Variants in AGO2 observed in about 807,000 individuals in gnomAD.
AGO2 encodes the protein argonaute RISC catalytic component 2.
A neutral mutation model predicts 102.3 loss-of-function variants in AGO2; 5 were observed. That is an observed-to-expected ratio of 0.05 (90% CI 0.03 to 0.10). The LOEUF is 0.10. Ranked by LOEUF, AGO2 falls within the 10% of genes least tolerant of loss-of-function variation. The pLI is 1.00. For synonymous variants in AGO2, 449 were observed against 473.1 expected (o/e 0.95, Z 0.66); for missense variants, 541 against 1,183.7 (o/e 0.46, Z 7.97).
intron 14 of AGO2, among the ~76,000 whole-genome samples, chr8:140,541,755 G>C (rs1036643966): frequency 6.6e-5 from 10 of 151,844 alleles, no homozygotes; most frequent in Admixed American, 6.6e-4. Context: ...ATATAAAAAT[G>C]AGCTGGGCAT....
intron 1 of AGO2, among the ~76,000 whole-genome samples, chr8:140,607,231 A>G (rs554763120): frequency 3.4e-4 from 51 of 151,936 alleles, no homozygotes; most frequent in Middle Eastern, 6.8e-3. Context: ...CCTGGGCAAC[A>G]AGAGTGAAAC....
At chr8:140,585,357 T>C in intron 1 of AGO2, 46 bp from the exon 2 acceptor site, 2 of 1,587,808 alleles carry the variant, frequency 1.3e-6, no homozygotes, top group Non-Finnish European at 1.7e-6. Flanking sequence ...GCAGGCTTGC[T>C]CTGCGGCCCT....
rs776787353 is a variant in AGO2 at position 140,555,981 on chromosome 8, C to T, written c.1184G>A (p.Arg395His). 5.0e-6 allele frequency: 8 copies of T among 1,614,076 alleles called. No homozygotes were observed. The highest frequency in any genetic ancestry group is 2.2e-5 in the East Asian group (1 of 44,898). ...SASFNTDPYVREFGIMVKDEM... is the reference protein window; with the variant it reads ...SASFNTDPYVHEFGIMVKDEM... ...ATCTTTGACCATGATTCCAAATTCA[C>T]GGACGTATGGATCTGTGTTGAAACT... is the stretch of plus-strand genomic sequence containing the variant. Residue 395 changes from arginine (R) to histidine (H), a missense_variant, in exon 10 of 19, where the codon CGT becomes CAT. By Grantham distance (29) the Arg-to-His change is conservative (BLOSUM62 0). Coordinates refer to ENST00000220592, the MANE Select transcript of AGO2 (RefSeq NM_012154.5).
chr8:140,557,953 A>G lies in AGO2; in HGVS notation c.878+532T>C, dbSNP rs546446109. 6.6e-6 allele frequency among the ~76,000 whole-genome samples: 1 copy of G among 152,174 alleles called. No homozygotes were observed. Among genetic ancestry groups the G allele is most frequent in the South Asian group, 2.1e-4 (1 of 4,828 alleles). ...CAGGCCTGGCACTTTCCATGGAATG[A>G]TCCATGAAATAAACGAACCCTACCG... is the stretch of plus-strand genomic sequence containing the variant. On this transcript the variant is annotated intron_variant, in intron 7 of 18. Coordinates refer to ENST00000220592, the MANE Select transcript of AGO2 (RefSeq NM_012154.5). The surrounding 1 kb of genome is among the most constrained non-coding windows in gnomAD (Gnocchi z 5.9).
chr8:140,633,109 C>T (rs1182458587), intron 1 of AGO2, among the ~76,000 whole-genome samples: 1 of 152,094 alleles, frequency 6.6e-6, no homozygotes, highest in Admixed American at 6.5e-5. Flanking sequence ...GACGGGGTTT[C>T]ATGATGTTGG....
chr8:140,574,719 G>A (rs1028408101), intron 2 of AGO2, among the ~76,000 whole-genome samples: 6 of 152,010 alleles, frequency 3.9e-5, no homozygotes. Flanking sequence ...TTAACATCTT[G>A]ATTTTTTACC....
intron 17 of AGO2, among the ~76,000 whole-genome samples, chr8:140,534,863 C>T (rs928579300): frequency 6.6e-5 from 10 of 152,208 alleles, no homozygotes; most frequent in Non-Finnish European, 1.2e-4. Context: ...GCTCCTACCA[C>T]GGACGTGGTG....
chr8:140,587,726 C>T (rs544211173), intron 1 of AGO2, among the ~76,000 whole-genome samples: 1 of 152,358 alleles, frequency 6.6e-6, no homozygotes, highest in African/African-American at 2.4e-5. Flanking sequence ...CCACAAGACA[C>T]GGATGGGCCA....
In AGO2 at chr8:140,549,274, C is replaced by T. The variant is rs912113169; in HGVS notation, c.1428G>A (p.Lys476=). The T allele has an allele frequency of 7.5e-6, 12 of 1,609,312 alleles. No individual in the cohort carries two copies. The highest frequency in any genetic ancestry group is 6.7e-5 in the African/African-American group (5 of 74,866). Residue 476 remains lysine (K), a synonymous_variant, in exon 12 of 19, where the codon AAG becomes AAA. Transcript: ENST00000220592. ...HLKSFTEQLR[K]ISRDAGMPIQ... Reference sequence around the variant, plus strand: ...TGGGCATGCCGGCGTCTCTCGAGATCTTTCTGAGCTGCTCTGTGAAGGACC... The same window carrying T: ...TGGGCATGCCGGCGTCTCTCGAGATTTTTCTGAGCTGCTCTGTGAAGGACC...
At chr8:140,545,562 C>G (rs1164276961) in intron 13 of AGO2, among the ~76,000 whole-genome samples, 1 of 152,192 alleles carries the variant, frequency 6.6e-6, no homozygotes, top group African/African-American at 2.4e-5. Flanking sequence ...ACCGTCCACT[C>G]ATCAGCTGCA....
chr8:140,537,862 A>C (rs2072724341), intron 16 of AGO2, among the ~76,000 whole-genome samples: 1 of 152,168 alleles, frequency 6.6e-6, no homozygotes, highest in Non-Finnish European at 1.5e-5. Context: ...TCTGCCCCCC[A>C]GGCGGGAGTG....
intron 17 of AGO2, 185 bp downstream of exon 17, chr8:140,535,283 A>AC (rs35619763): frequency 1.3e-4 from 76 of 605,218 alleles, no homozygotes; most frequent in East Asian, 8.5e-4. Context: ...ATGCTGACCC[A>AC]CCCCCCAGGC....
At chr8:140,563,306 C>G (rs763382808) in intron 3 of AGO2, among the ~76,000 whole-genome samples, 6 of 152,240 alleles carry the variant, frequency 3.9e-5, no homozygotes, top group Admixed American at 6.5e-5. Flanking sequence ...TATTGGCTCA[C>G]TTCGACCTTG....
At chr8:140,541,797 G>A (rs2072802578) in intron 14 of AGO2, among the ~76,000 whole-genome samples, 1 of 152,070 alleles carries the variant, frequency 6.6e-6, no homozygotes, top group Non-Finnish European at 1.5e-5. Flanking sequence ...TAGCTACTCG[G>A]GAGGCTGAGG....
intron 1 of AGO2, among the ~76,000 whole-genome samples, chr8:140,600,947 G>A (rs536365301): frequency 8.6e-5 from 13 of 150,602 alleles, no homozygotes; most frequent in African/African-American, 2.4e-5. Context: ...AAAAAAACCC[G>A]AATTCGAATT....
At chr8:140,614,878 G>A (rs1247613184) in intron 1 of AGO2, among the ~76,000 whole-genome samples, 1 of 152,222 alleles carries the variant, frequency 6.6e-6, no homozygotes, top group Non-Finnish European at 1.5e-5. Context: ...TGTTACTGAA[G>A]TCATGAGAAC....
In AGO2 at chr8:140,589,295, A is replaced by G. The variant is rs2073711993; in HGVS notation, c.23-3984T>C. Among the ~76,000 whole-genome samples, 1 of 152,196 alleles carries G rather than the reference A, an allele frequency of 6.6e-6. No individual in the cohort carries two copies. On this transcript the variant is annotated intron_variant, in intron 1 of 18. Coordinates refer to ENST00000220592, the MANE Select transcript of AGO2 (RefSeq NM_012154.5). This position sits in a 1 kb window ranked among gnomAD's most constrained non-coding sequence, Gnocchi z 4.2. Reference sequence around the variant, plus strand: ...GCGGGGAGAGCAGCTGCAGAAATTCAGAGTCATTAAATAAATGAATAGCCC... The same window carrying G: ...GCGGGGAGAGCAGCTGCAGAAATTCGGAGTCATTAAATAAATGAATAGCCC...
At chr8:140,537,049 G>T (rs1278384158) in intron 16 of AGO2, among the ~76,000 whole-genome samples, 1 of 152,134 alleles carries the variant, frequency 6.6e-6, no homozygotes, top group Non-Finnish European at 1.5e-5. Context: ...TTCTATTCTT[G>T]TTACATGTTT....
Position 140,567,702 on chromosome 8 carries a change from A to G in AGO2, c.337-5068T>C, listed in dbSNP as rs901618554. Among the ~76,000 whole-genome samples, 1 of 152,210 alleles carries G rather than the reference A, an allele frequency of 6.6e-6. No individual in the cohort carries two copies. Among genetic ancestry groups the G allele is most frequent in the African/African-American group, 2.4e-5 (1 of 41,462 alleles). On this transcript the variant is annotated intron_variant, in intron 3 of 18. Transcript: ENST00000220592. The surrounding 1 kb of genome is among the most constrained non-coding windows in gnomAD (Gnocchi z 5.0). Reference sequence around the variant, plus strand: ...GGCACCTGTGACATCCAATCTCCCCAGACAAGCCAAACCCGCAGGCTGGCC... The same window carrying G: ...GGCACCTGTGACATCCAATCTCCCCGGACAAGCCAAACCCGCAGGCTGGCC...
Sources: allele counts gnomAD v4.1 joint callset (sites outside exome capture counted in the v4.1 genomes callset), GRCh38; gene constraint gnomAD v4.1.1; non-coding constraint Gnocchi (gnomAD v3.1); transcripts MANE v1.5; gene names NCBI Gene and HGNC (gene_info 2026-07-23, HGNC 2026-07-21).